The following TSPEAR variants were observed in gnomAD, a reference collection of about 807,000 sequenced individuals.
TSPEAR encodes the protein thrombospondin-type laminin G domain and EAR repeat-containing protein.
Under a neutral mutation model 71.6 loss-of-function variants are expected in TSPEAR, and 69 were observed. That is an observed-to-expected ratio of 0.96 (90% confidence interval 0.79 to 1.18). The LOEUF (loss-of-function observed/expected upper bound fraction) is 1.18. Ranked by LOEUF, TSPEAR falls within the 50% of genes most tolerant of loss-of-function variation. The pLI is 0.00. For missense variants in TSPEAR, 971 were observed against 894.9 expected, an observed-to-expected ratio of 1.09 and a Z score of -1.09; for synonymous variants, 402 against 387.2, an observed-to-expected ratio of 1.04 and a Z score of -0.45.
At chr21:44,513,342 G>A (rs1462743369) in intron 9 of TSPEAR, among the ~76,000 whole-genome samples, 2 of 152,106 alleles carry the variant, frequency 1.3e-5, no homozygotes, top group Non-Finnish European at 2.9e-5. Context: ...TGCCAACCCA[G>A]GCAGAGGGTG....
intron 1 of TSPEAR, chr21:44,697,784 G>T (rs782206458): frequency 2.5e-6 from 4 of 1,613,640 alleles, no homozygotes; most frequent in Non-Finnish European, 3.4e-6. Context: ...CTCCTCCTCC[G>T]TGTCCCTCCT....
chr21:44,518,961 C>G (rs2052671917), intron 9 of TSPEAR: 1 of 244,604 alleles, frequency 4.1e-6, no homozygotes, highest in South Asian at 4.6e-5. Flanking sequence ...GATTGCTGTG[C>G]TCTGCAGCTG....
intron 2 of TSPEAR, among the ~76,000 whole-genome samples, chr21:44,554,108 T>C (rs2053488751): frequency 6.6e-6 from 1 of 152,218 alleles, no homozygotes; most frequent in Non-Finnish European, 1.5e-5. Context: ...GAGACCCTAA[T>C]TCCAATATGA....
intron 1 of TSPEAR, among the ~76,000 whole-genome samples, chr21:44,590,605 T>C (rs587775658): frequency 6.6e-6 from 1 of 152,278 alleles, no homozygotes; most frequent in South Asian, 2.1e-4. Context: ...CATGTCTTAC[T>C]GTGGAGGAGA....
At chr21:44,675,853 A>G in intron 1 of TSPEAR, 1 of 650,326 alleles carries the variant, frequency 1.5e-6, no homozygotes, top group Non-Finnish European at 2.8e-6. Flanking sequence ...GACTTTACGA[A>G]AATCTTCCTA....
Position 44,623,623 on chromosome 21 carries a change from C to A in TSPEAR, c.83-55618G>T, listed in dbSNP as rs987365796. On this transcript the variant is annotated intron_variant, in intron 1 of 11. Coordinates refer to ENST00000323084, the MANE Select transcript of TSPEAR (RefSeq NM_144991.3). This position sits in a 1 kb window ranked among gnomAD's most constrained non-coding sequence, Gnocchi z 4.5. ...AGTGCAGATCCTACTGGTGACACAA[C>A]CTCTCAGCATCCAGAGAACATCATT... 9.2e-5 allele frequency among the ~76,000 whole-genome samples: 14 copies of A among 152,278 alleles called. No individual in the cohort carries two copies. Among genetic ancestry groups the A allele is most frequent in the Non-Finnish European group, 1.9e-4 (13 of 68,026 alleles).
chr21:44,527,582 G>T, intron 6 of TSPEAR, 64 bp from the exon 7 acceptor site: 1 of 1,522,506 alleles, frequency 6.6e-7, no homozygotes, highest in Non-Finnish European at 9.1e-7. Flanking sequence ...AGCAATCCTC[G>T]CGGGAGCGCG....
At chr21:44,527,986 C>T (rs991330421) in intron 6 of TSPEAR, among the ~76,000 whole-genome samples, 6 of 152,272 alleles carry the variant, frequency 3.9e-5, no homozygotes, top group African/African-American at 1.2e-4. Flanking sequence ...TGGATCTCAT[C>T]TCTGATCTAG....
intron 1 of TSPEAR, among the ~76,000 whole-genome samples, chr21:44,688,161 T>G (rs1487197811): frequency 6.6e-6 from 1 of 151,938 alleles, no homozygotes; most frequent in African/African-American, 2.4e-5. Flanking sequence ...ATGAGATCCT[T>G]GCTTTGGAGA....
intron 1 of TSPEAR, chr21:44,628,357 C>T (rs1424703118): frequency 7.9e-6 from 3 of 378,476 alleles, no homozygotes; most frequent in Non-Finnish European, 9.9e-6. Flanking sequence ...CCCTGAGCAC[C>T]AATAAAGCGT....
chr21:44,628,973 G>A (rs1983085792), intron 1 of TSPEAR, among the ~76,000 whole-genome samples: 1 of 152,170 alleles, frequency 6.6e-6, no homozygotes, highest in African/African-American at 2.4e-5. Context: ...AAGGTCTCAG[G>A]GCGGCGATGA....
intron 1 of TSPEAR, among the ~76,000 whole-genome samples, chr21:44,599,948 A>T (rs425276): frequency 0.21 from 32,277 of 152,134 alleles, 6,518 homozygotes; most frequent in African/African-American, 0.53. Context: ...GGGGGCCCCA[A>T]ACAGGGATCT....
At chr21:44,681,261 A>T (rs1986571224) in intron 1 of TSPEAR, among the ~76,000 whole-genome samples, 1 of 152,248 alleles carries the variant, frequency 6.6e-6, no homozygotes, top group African/African-American at 2.4e-5. Context: ...GGAAAGCCCG[A>T]TCCTCAGTGC....
chr21:44,676,554 T>C, intron 1 of TSPEAR: 1 of 730,498 alleles, frequency 1.4e-6, no homozygotes, highest in Non-Finnish European at 2.5e-6. Context: ...GAACTTGCTC[T>C]TGACTTAGAT....
intron 1 of TSPEAR, among the ~76,000 whole-genome samples, chr21:44,667,226 T>G (rs1985832274): frequency 1.3e-5 from 2 of 152,194 alleles, no homozygotes; most frequent in African/African-American, 4.8e-5. Flanking sequence ...AACTCAGATC[T>G]CCAGATTTTT....
At position 44,539,442 on chromosome 21, in the gene TSPEAR, G is replaced by A. The variant is rs201838356; in HGVS notation, c.304-5519C>T. ...CAGCAGGCGGGCCGGCATACAGGGCGGCAGAGGAGGGACACGGAGGAGGAG... is the reference window on the plus strand; with the variant it reads ...CAGCAGGCGGGCCGGCATACAGGGCAGCAGAGGAGGGACACGGAGGAGGAG... On this transcript the variant is annotated intron_variant, in intron 2 of 11. Transcript: ENST00000323084. The A allele has an allele frequency of 3.5e-5, 57 of 1,612,960 alleles. No homozygotes were observed. The highest frequency in any genetic ancestry group is 1.7e-4 in the Middle Eastern group (1 of 5,932).
chr21:44,514,102 C>T (rs1296034764), intron 9 of TSPEAR, among the ~76,000 whole-genome samples: 11 of 152,222 alleles, frequency 7.2e-5, no homozygotes, highest in African/African-American at 2.7e-4. Flanking sequence ...TGGGGCATAG[C>T]TGCCACCTTC....
rs1194289150 is a variant in TSPEAR, at chr21:44,709,462, A to G, written c.82+1971T>C. Among the ~76,000 whole-genome samples the G allele has an allele frequency of 2.6e-5, 4 of 152,246 alleles. No homozygotes were observed. The East Asian group carries it at 7.7e-4, about 29-fold the overall frequency. On this transcript the variant is annotated intron_variant, in intron 1 of 11. Transcript: ENST00000323084. ...GCCTGGCAGTCACTTGAATAGCCAA[A>G]TGAGTCCTAGAAAGCGAGAGACGAG...
chr21:44,528,700 GA>G, intron 5 of TSPEAR, 117 bp from the exon 6 acceptor site: 2 of 1,349,150 alleles, frequency 1.5e-6, no homozygotes, highest in Non-Finnish European at 2.0e-6. Context: ...TGCGGGCCTG[GA>G]AGGGCCCCTG....
Sources: allele counts gnomAD v4.1 joint callset (sites outside exome capture counted in the v4.1 genomes callset), GRCh38; gene constraint gnomAD v4.1.1; non-coding constraint Gnocchi (gnomAD v3.1); transcripts MANE v1.5; gene names NCBI Gene and HGNC (gene_info 2026-07-23, HGNC 2026-07-21).